Variants in RASEF observed in about 807,000 individuals in gnomAD.
The protein encoded by RASEF is RAS and EF-hand domain containing, also known as ras and EF-hand domain-containing protein.
A neutral mutation model predicts 90.1 loss-of-function variants in RASEF; 68 were observed. The ratio of observed to expected loss-of-function variants is 0.75; its 90% confidence interval spans 0.62 to 0.92. The LOEUF is 0.92. Ranked by LOEUF, RASEF falls within the 40% of genes least tolerant of loss-of-function variation. The probability of loss-of-function intolerance (pLI) is 0.00; values close to 1 mark genes in which losing one functional copy is unlikely to be tolerated. For missense variants in RASEF, 949 were observed against 937.2 expected (o/e 1.01, Z -0.16); for synonymous variants, 331 against 345.2 (o/e 0.96, Z 0.46).
chr9:83,205,402 T>C, the RASEF span, among the ~76,000 whole-genome samples: 1 of 152,198 alleles, frequency 6.6e-6, no homozygotes, highest in African/African-American at 2.4e-5. Flanking sequence ...TACCAATAAA[T>C]GCAATGACAT....
the RASEF span, among the ~76,000 whole-genome samples, chr9:83,204,045 A>G: frequency 3.9e-5 from 6 of 152,204 alleles, no homozygotes; most frequent in Admixed American, 3.9e-4. Flanking sequence ...AAGGGGGACA[A>G]GGCAGTGTCA....
chr9:83,030,783 T>C (rs980171839), intron 1 of RASEF, among the ~76,000 whole-genome samples: 23 of 152,210 alleles, frequency 1.5e-4, no homozygotes, highest in African/African-American at 5.1e-4. Context: ...TGGTATGTGT[T>C]TGCCACCTCT....
At chr9:83,152,735 T>TACACACAC in the RASEF span, among the ~76,000 whole-genome samples, 5 of 150,714 alleles carry the variant, frequency 3.3e-5, no homozygotes, top group Non-Finnish European at 7.4e-5. Context: ...CAGACACACA[T>TACACACAC]ACACACACAC....
chr9:83,189,278 G>A, the RASEF span, among the ~76,000 whole-genome samples: 1 of 152,162 alleles, frequency 6.6e-6, no homozygotes. Flanking sequence ...GCTGCCATGT[G>A]AAGAAGGATG....
At chr9:83,016,545 T>C (rs1233163735) in intron 3 of RASEF, among the ~76,000 whole-genome samples, 1 of 152,158 alleles carries the variant, frequency 6.6e-6, no homozygotes, top group Admixed American at 6.5e-5. Context: ...AGTATTCAAA[T>C]AGTTTTATGT....
At chr9:83,101,104 TG>T in the RASEF span, among the ~76,000 whole-genome samples, 1 of 152,196 alleles carries the variant, frequency 6.6e-6, no homozygotes, top group African/African-American at 2.4e-5. Context: ...CCTTTAAATG[TG>T]CATTTCAGTT....
chr9:83,169,594 G>T, the RASEF span, among the ~76,000 whole-genome samples: 1 of 149,376 alleles, frequency 6.7e-6, no homozygotes, highest in Non-Finnish European at 1.5e-5. Flanking sequence ...TTGTTTGTTT[G>T]TTTTGTTTTT....
chr9:83,058,937 A>G (rs1025443826), intron 1 of RASEF, among the ~76,000 whole-genome samples: 1 of 151,966 alleles, frequency 6.6e-6, no homozygotes, highest in African/African-American at 2.4e-5. Context: ...GTCTCAACAA[A>G]TCCTAGCCTA....
Position 83,062,473 on chromosome 9 carries a change from T to A in RASEF, c.395A>T (p.Gln132Leu). The A allele has an allele frequency of 6.2e-7, 1 of 1,612,616 alleles. No individual in the cohort carries two copies. Among genetic ancestry groups the A allele is most frequent in the Non-Finnish European group, 8.5e-7 (1 of 1,179,628 alleles). Residue 132 changes from glutamine to leucine, a missense_variant, in exon 1 of 17, where the codon CAG becomes CTG. Coordinates refer to ENST00000376447, the MANE Select transcript of RASEF (RefSeq NM_152573.4). ...CTTGGCTTCGTCCCCAAGTCGCGCC[T>A]GGAAATCCTGCCAAGCCCGGCCGGG... ...ASPGRAWQDFQARLGDEAKFI... is the reference protein window; with the variant it reads ...ASPGRAWQDFLARLGDEAKFI...
intron 4 of RASEF, among the ~76,000 whole-genome samples, chr9:83,013,082 TG>T (rs2118514813): frequency 1.3e-5 from 2 of 152,334 alleles, no homozygotes; most frequent in South Asian, 4.1e-4. Context: ...ATTTAAGCTT[TG>T]CTTGATGATT....
chr9:83,154,089 G>C, the RASEF span, among the ~76,000 whole-genome samples: 1 of 152,186 alleles, frequency 6.6e-6, no homozygotes, highest in Admixed American at 6.6e-5. Context: ...ACAGACTCCA[G>C]ATAGCTGGAA....
intron 15 of RASEF, among the ~76,000 whole-genome samples, chr9:82,991,525 T>C (rs969721227): frequency 2.6e-5 from 4 of 151,932 alleles, no homozygotes; most frequent in African/African-American, 9.7e-5. Flanking sequence ...GGGAAGGAGG[T>C]GACACTTGCT....
chr9:83,163,474 A>C, the RASEF span, among the ~76,000 whole-genome samples: 18 of 152,232 alleles, frequency 1.2e-4, no homozygotes, highest in Admixed American at 1.2e-3. Flanking sequence ...GCTCTACTGG[A>C]TAAAGTAGAC....
intron 4 of RASEF, among the ~76,000 whole-genome samples, chr9:83,014,335 T>C (rs1829303505): frequency 6.6e-6 from 1 of 152,036 alleles, no homozygotes; most frequent in Non-Finnish European, 1.5e-5. Flanking sequence ...TCAGAGATGA[T>C]TTTTTATTTT....
chr9:83,039,665 A>T (rs1721960752), intron 1 of RASEF, among the ~76,000 whole-genome samples: 1 of 152,168 alleles, frequency 6.6e-6, no homozygotes, highest in South Asian at 2.1e-4. Context: ...TTCCATCTGA[A>T]CTTTACACGC....
chr9:83,168,224 A>G, the RASEF span, among the ~76,000 whole-genome samples: 2 of 152,102 alleles, frequency 1.3e-5, no homozygotes, highest in Admixed American at 1.3e-4. Context: ...GTATTTCACT[A>G]TGGTTTTGAT....
chr9:83,118,725 CAAT>C, the RASEF span, among the ~76,000 whole-genome samples: 1 of 152,132 alleles, frequency 6.6e-6, no homozygotes, highest in Non-Finnish European at 1.5e-5. Context: ...GAAAAGCATA[CAAT>C]GACATTAGGA....
the RASEF span, among the ~76,000 whole-genome samples, chr9:83,169,051 ATT>A: frequency 6.7e-6 from 1 of 148,184 alleles, no homozygotes; most frequent in Non-Finnish European, 1.5e-5. Context: ...CCAAGAGATC[ATT>A]TTTTTTTTAG....
chr9:83,168,428 A>G, the RASEF span, among the ~76,000 whole-genome samples: 2 of 152,272 alleles, frequency 1.3e-5, no homozygotes, highest in Admixed American at 6.5e-5. Flanking sequence ...TGATACAACC[A>G]TACAATGTGT....
Sources: allele counts gnomAD v4.1 joint callset (sites outside exome capture counted in the v4.1 genomes callset), GRCh38; gene constraint gnomAD v4.1.1; transcripts MANE v1.5; gene names NCBI Gene and HGNC (gene_info 2026-07-23, HGNC 2026-07-21).